HSF2BP: variants seen among roughly 807,000 people sequenced by gnomAD.
The protein encoded by HSF2BP is heat shock factor 2-binding protein.
In HSF2BP, 35 loss-of-function variants were observed where a neutral mutation model predicts 35.0. That is an observed-to-expected ratio of 1.00 (90% CI 0.76 to 1.32). The LOEUF (loss-of-function observed/expected upper bound fraction) is 1.32. Ranked by LOEUF, HSF2BP falls within the 40% of genes most tolerant of loss-of-function variation. The pLI, the probability that HSF2BP is intolerant of heterozygous loss-of-function variation, is 0.00. For synonymous variants in HSF2BP, 114 were observed against 117.4 expected, an observed-to-expected ratio of 0.97 and a Z score of 0.18; for missense variants, 326 against 321.7, an observed-to-expected ratio of 1.01 and a Z score of -0.10.
the HSF2BP span, among the ~76,000 whole-genome samples, chr21:43,467,497 G>T: frequency 8.0e-6 from 1 of 124,702 alleles, no homozygotes; most frequent in Non-Finnish European, 1.7e-5. Context: ...TTCATTAAAA[G>T]ACGGGTGAGG....
At chr21:43,593,502 A>G (rs535956069) in intron 7 of HSF2BP, among the ~76,000 whole-genome samples, 1 of 152,350 alleles carries the variant, frequency 6.6e-6, no homozygotes, top group South Asian at 2.1e-4. Flanking sequence ...AACCAATAAC[A>G]GGGCTAGAAC....
intron 7 of HSF2BP, among the ~76,000 whole-genome samples, chr21:43,602,643 G>A (rs1219484264): frequency 6.6e-6 from 1 of 152,172 alleles, no homozygotes; most frequent in Non-Finnish European, 1.5e-5. Flanking sequence ...CCTCTACCCT[G>A]TGCCTGGATG....
intron 6 of HSF2BP, 53 bp downstream of exon 6, chr21:43,630,269 T>C (rs1172976538): frequency 4.0e-6 from 6 of 1,507,016 alleles, no homozygotes; most frequent in Admixed American, 4.4e-5. Context: ...TTTGCTTTAC[T>C]GCAGTGGTCT....
chr21:43,616,471 CT>C (rs1156373722), intron 6 of HSF2BP, among the ~76,000 whole-genome samples: 4 of 152,046 alleles, frequency 2.6e-5, no homozygotes, highest in Admixed American at 2.0e-4. Flanking sequence ...TGGCAAAACC[CT>C]GTCTCTACTA....
chr21:43,617,930 G>A (rs1034333805), intron 6 of HSF2BP, among the ~76,000 whole-genome samples: 1 of 151,896 alleles, frequency 6.6e-6, no homozygotes, highest in African/African-American at 2.4e-5. Flanking sequence ...CTCCAGCCTG[G>A]GCAACAGAGC....
intron 2 of HSF2BP, 47 bp from the exon 3 acceptor site, chr21:43,656,784 A>C: frequency 6.5e-7 from 1 of 1,531,314 alleles, no homozygotes; most frequent in Non-Finnish European, 8.9e-7. Flanking sequence ...ACATGAGAAA[A>C]AAAACAACAG....
At chr21:43,468,062 C>A in the HSF2BP span, among the ~76,000 whole-genome samples, 1 of 134,084 alleles carries the variant, frequency 7.5e-6, no homozygotes, top group Admixed American at 7.4e-5. Context: ...ACCACACACA[C>A]CATACCACAA....
At chr21:43,632,799 G>A (rs1330056822) in intron 5 of HSF2BP, among the ~76,000 whole-genome samples, 1 of 152,136 alleles carries the variant, frequency 6.6e-6, no homozygotes, top group Non-Finnish European at 1.5e-5. Flanking sequence ...AGAGTCAAAA[G>A]TTCTATGTGG....
intron 3 of HSF2BP, among the ~76,000 whole-genome samples, chr21:43,653,366 G>C (rs2082822787): frequency 6.6e-6 from 1 of 152,100 alleles, no homozygotes; most frequent in Non-Finnish European, 1.5e-5. Context: ...GATAATGACA[G>C]ACAAAATCAG....
chr21:43,634,622 G>A (rs2082527683), intron 4 of HSF2BP, among the ~76,000 whole-genome samples: 1 of 152,084 alleles, frequency 6.6e-6, no homozygotes, highest in Admixed American at 6.6e-5. Context: ...GGATTAGGGT[G>A]GCCCACTCAT....
At chr21:43,591,989 CTTA>C (rs1260546644) in intron 8 of HSF2BP, among the ~76,000 whole-genome samples, 1 of 152,144 alleles carries the variant, frequency 6.6e-6, no homozygotes, top group Non-Finnish European at 1.5e-5. Flanking sequence ...GCGGTGCTGG[CTTA>C]TTATTATAAT....
intron 4 of HSF2BP, among the ~76,000 whole-genome samples, chr21:43,638,021 C>A (rs564431744): frequency 6.6e-6 from 1 of 152,086 alleles, no homozygotes; most frequent in African/African-American, 2.4e-5. Context: ...GGCCTGGCTA[C>A]GCAAGAAGGA....
intron 2 of HSF2BP, 105 bp downstream of exon 2, chr21:43,657,956 A>C: frequency 2.6e-6 from 4 of 1,519,020 alleles, no homozygotes; most frequent in Non-Finnish European, 3.5e-6. Context: ...GCTTCCCCCA[A>C]GCACGCGACA....
At chr21:43,585,640 T>C (rs1344065119) in intron 8 of HSF2BP, among the ~76,000 whole-genome samples, 1 of 150,168 alleles carries the variant, frequency 6.7e-6, no homozygotes, top group African/African-American at 2.5e-5. Flanking sequence ...ACCAAGACTC[T>C]GTCTCAAAAA....
At chr21:43,639,780 C>T (rs1281960717) in intron 4 of HSF2BP, among the ~76,000 whole-genome samples, 2 of 152,034 alleles carry the variant, frequency 1.3e-5, no homozygotes, top group African/African-American at 2.4e-5. Flanking sequence ...ATTGTACTCT[C>T]GGGCATTTAT....
chr21:43,657,134 G>T (rs893168555), intron 2 of HSF2BP, among the ~76,000 whole-genome samples: 1 of 152,214 alleles, frequency 6.6e-6, no homozygotes, highest in Non-Finnish European at 1.5e-5. Flanking sequence ...ACTTTGGGAG[G>T]CCGAGGCGGG....
intron 6 of HSF2BP, among the ~76,000 whole-genome samples, chr21:43,621,063 C>G (rs1426847883): frequency 6.6e-6 from 1 of 152,170 alleles, no homozygotes; most frequent in Non-Finnish European, 1.5e-5. Flanking sequence ...TATCCAGCTA[C>G]AGGAAAACCA....
At chr21:43,586,868 T>C (rs555461966) in intron 8 of HSF2BP, among the ~76,000 whole-genome samples, 1 of 152,270 alleles carries the variant, frequency 6.6e-6, no homozygotes, top group East Asian at 1.9e-4. Flanking sequence ...TGGCACGATC[T>C]TGGCTCACTG....
chr21:43,614,384 T>C (rs2082246217), intron 6 of HSF2BP, among the ~76,000 whole-genome samples: 1 of 149,570 alleles, frequency 6.7e-6, no homozygotes, highest in Non-Finnish European at 1.5e-5. Flanking sequence ...AAAAAAATTA[T>C]CAACAAAAAT....
Sources: allele counts gnomAD v4.1 joint callset (sites outside exome capture counted in the v4.1 genomes callset), GRCh38; gene constraint gnomAD v4.1.1; transcripts MANE v1.5; gene names NCBI Gene and HGNC (gene_info 2026-07-23, HGNC 2026-07-21).